Variants in PRKAR1A observed in about 807,000 individuals in gnomAD.
PRKAR1A encodes protein kinase cAMP-dependent type I regulatory subunit alpha, also known as cAMP-dependent protein kinase type I-alpha regulatory subunit.
Under a neutral mutation model 52.0 loss-of-function variants are expected in PRKAR1A, and 3 were observed. The ratio of observed to expected loss-of-function variants is 0.06; its 90% confidence interval spans 0.03 to 0.15. The LOEUF is 0.15. Among genes scored for constraint, PRKAR1A ranks in the 10% least tolerant of loss-of-function variants. The pLI is 1.00. For synonymous variants in PRKAR1A, 188 were observed against 168.4 expected, an observed-to-expected ratio of 1.12 and a Z score of -0.90; for missense variants, 240 against 477.4, an observed-to-expected ratio of 0.50 and a Z score of 4.63.
chr17:68,518,936 T>C lies in PRKAR1A; in HGVS notation c.177+3360T>C, dbSNP rs528758796. 5.7e-4 allele frequency among the ~76,000 whole-genome samples: 87 copies of C among 152,358 alleles called. 1 individual carries two copies. Among genetic ancestry groups the C allele is most frequent in the South Asian group, 2.3e-3 (11 of 4,832 alleles). On this transcript the variant is annotated intron_variant, in intron 2 of 10. Coordinates refer to ENST00000589228, the MANE Select transcript of PRKAR1A (RefSeq NM_002734.5). The stretch of plus-strand genomic sequence containing the variant: ...GATTTCTAGGGCAGGGCCAAAATAC[T>C]GCCAGTCTCTTTGCATAGCGAGAGT...
chr17:68,501,482 G>T, the PRKAR1A span, among the ~76,000 whole-genome samples: 1 of 152,002 alleles, frequency 6.6e-6, no homozygotes, highest in African/African-American at 2.4e-5. Flanking sequence ...TTGAGACACG[G>T]TCTTGCTATA....
intron 11 of PRKAR1A, among the ~76,000 whole-genome samples, chr17:68,539,684 G>C: frequency 6.6e-6 from 1 of 152,266 alleles, no homozygotes; most frequent in African/African-American, 2.4e-5. Flanking sequence ...GCACACGAGT[G>C]CTCTCAGGCT....
the PRKAR1A span, among the ~76,000 whole-genome samples, chr17:68,480,413 A>T: frequency 6.6e-6 from 1 of 152,078 alleles, no homozygotes; most frequent in African/African-American, 2.4e-5. Context: ...GACATTTTTA[A>T]ACATTAATTT....
At chr17:68,449,501 G>T in the PRKAR1A span, among the ~76,000 whole-genome samples, 1 of 152,214 alleles carries the variant, frequency 6.6e-6, no homozygotes, top group Non-Finnish European at 1.5e-5. Flanking sequence ...ATGTCGAATT[G>T]TAATCTTCAG....
In PRKAR1A at chr17:68,515,439, A is replaced by G; in HGVS notation, c.40A>G (p.Ser14Gly). ...TACCGCCGCCAGTGAGGAGGCACGC[A>G]GCCTTCGAGAATGTGAGCTCTACGT... Reference protein sequence around the residue: ...GSTAASEEARSLRECELYVQK... With the variant: ...GSTAASEEARGLRECELYVQK... Residue 14 changes from serine to glycine, a missense_variant, in exon 2 of 11, where the codon AGC becomes GGC. Ser to Gly is a moderately conservative substitution (Grantham distance 56). Transcript: ENST00000589228. 1.2e-6 allele frequency: 2 copies of G among 1,613,608 alleles called. No individual in the cohort carries two copies. Among genetic ancestry groups the G allele is most frequent in the Non-Finnish European group, 1.7e-6 (2 of 1,180,042 alleles).
At chr17:68,515,620 G>A (rs1358775549) in intron 2 of PRKAR1A, 44 bp downstream of exon 2, 1 of 1,567,622 alleles carries the variant, frequency 6.4e-7, no homozygotes, top group Non-Finnish European at 8.7e-7. Context: ...TGTGACAGTT[G>A]TTACATTTAA....
intron 4 of PRKAR1A, 43 bp downstream of exon 4, chr17:68,523,859 T>G (rs1158730107): frequency 6.3e-7 from 1 of 1,599,014 alleles, no homozygotes. Context: ...CAAGTAAGGG[T>G]GTGATCCCAA....
At chr17:68,482,378 A>G in the PRKAR1A span, among the ~76,000 whole-genome samples, 2 of 152,228 alleles carry the variant, frequency 1.3e-5, no homozygotes, top group African/African-American at 4.8e-5. Flanking sequence ...CCAATGACAC[A>G]CAACTGTTGG....
chr17:68,506,771 C>T, the PRKAR1A span, among the ~76,000 whole-genome samples: 2 of 152,110 alleles, frequency 1.3e-5, no homozygotes, highest in African/African-American at 2.4e-5. Flanking sequence ...TGTGAGCCAC[C>T]GCACCTGGCC....
intron 2 of PRKAR1A, among the ~76,000 whole-genome samples, chr17:68,518,971 T>C (rs1193098822): frequency 1.3e-5 from 2 of 152,196 alleles, no homozygotes; most frequent in East Asian, 3.9e-4. Flanking sequence ...TCACCTTTAC[T>C]CCAGTTCTCA....
At chr17:68,503,368 C>A in the PRKAR1A span, among the ~76,000 whole-genome samples, 1 of 152,172 alleles carries the variant, frequency 6.6e-6, no homozygotes, top group Non-Finnish European at 1.5e-5. Flanking sequence ...GAACTTCTTG[C>A]TATTTACTCA....
chr17:68,428,957 A>C, the PRKAR1A span: 18 of 1,589,960 alleles, frequency 1.1e-5, no homozygotes, highest in Non-Finnish European at 1.6e-5. Context: ...AGGAAAACAT[A>C]AACCGTGATG....
the PRKAR1A span, among the ~76,000 whole-genome samples, chr17:68,498,021 A>C: frequency 6.6e-6 from 1 of 151,566 alleles, no homozygotes; most frequent in African/African-American, 2.4e-5. Flanking sequence ...TGACACTTAC[A>C]TGCTTGTAAG....
At chr17:68,468,432 T>A in the PRKAR1A span, among the ~76,000 whole-genome samples, 1 of 152,176 alleles carries the variant, frequency 6.6e-6, no homozygotes, top group African/African-American at 2.4e-5. Context: ...ACGTTTTGAG[T>A]ATTCCTTTAA....
At chr17:68,470,486 A>G in the PRKAR1A span, among the ~76,000 whole-genome samples, 652 of 152,338 alleles carry the variant, frequency 4.3e-3, 7 homozygotes, top group African/African-American at 0.015. Flanking sequence ...GATTGATATT[A>G]GTGGAGAGGA....
the PRKAR1A span, among the ~76,000 whole-genome samples, chr17:68,496,461 C>T: frequency 4.6e-5 from 7 of 152,178 alleles, no homozygotes; most frequent in South Asian, 2.1e-4. Flanking sequence ...ACACCGGCCA[C>T]GTCCAGATAA....
the PRKAR1A span, among the ~76,000 whole-genome samples, chr17:68,437,543 T>C: frequency 1.3e-5 from 2 of 150,634 alleles, no homozygotes; most frequent in African/African-American, 4.9e-5. Flanking sequence ...GAGAGTGAGG[T>C]TCTGTCTTAA....
chr17:68,439,589 A>G, the PRKAR1A span, among the ~76,000 whole-genome samples: 5 of 152,350 alleles, frequency 3.3e-5, no homozygotes, highest in African/African-American at 9.6e-5. Context: ...AAAGCTATTG[A>G]ACCATGCATT....
the PRKAR1A span, among the ~76,000 whole-genome samples, chr17:68,482,323 T>C: frequency 1.3e-5 from 2 of 152,212 alleles, no homozygotes; most frequent in African/African-American, 4.8e-5. Context: ...TACGAAGATG[T>C]TATTACTCTT....
Sources: gnomAD v4.1 joint callset for allele counts (sites outside exome capture counted in the v4.1 genomes callset) on GRCh38, gnomAD v4.1.1 for gene constraint, MANE v1.5 for transcripts, NCBI Gene and HGNC (gene_info 2026-07-23, HGNC 2026-07-21) for gene names.